The following LMO3 variants were observed in gnomAD, a reference collection of about 807,000 sequenced individuals.
LMO3 encodes LIM domain only 3, also known as LIM domain only protein 3.
A neutral mutation model predicts 15.8 loss-of-function variants in LMO3; 2 were observed. That is an observed-to-expected ratio of 0.13 (90% CI 0.05 to 0.40). The LOEUF (loss-of-function observed/expected upper bound fraction) is 0.40. Ranked by LOEUF, LMO3 falls within the 10% of genes least tolerant of loss-of-function variation. The pLI is 0.99. For missense variants in LMO3, 86 were observed against 182.2 expected (o/e 0.47, Z 3.04); for synonymous variants, 62 against 63.8 (o/e 0.97, Z 0.13).
At chr12:16,577,520 A>G (rs1031394809) in intron 2 of LMO3, among the ~76,000 whole-genome samples, 3 of 152,146 alleles carry the variant, frequency 2.0e-5, no homozygotes, top group African/African-American at 4.8e-5. Context: ...ATATTTATTG[A>G]GTACCTATTA....
In LMO3 at chr12:16,604,299, G is replaced by GAA. The variant is rs1943919258; in HGVS notation, c.-9+1766_-9+1767insTT. The stretch of plus-strand genomic sequence containing the variant: ...TAGATGTCCCCAGATCTCAGGCACT[G>GAA]GAGCTGCTTAACTCTGTTCTGCCCC... On this transcript the variant is annotated intron_variant, in intron 1 of 3. Coordinates refer to ENST00000537304, the MANE Select transcript of LMO3 (RefSeq NM_018640.5). This position sits in a 1 kb window ranked among gnomAD's most constrained non-coding sequence, Gnocchi z 5.3. 6.6e-6 allele frequency among the ~76,000 whole-genome samples: 1 copy of GAA among 152,090 alleles called. No individual in the cohort carries two copies. Among genetic ancestry groups the GAA allele is most frequent in the African/African-American group, 2.4e-5 (1 of 41,410 alleles).
In LMO3 at chr12:16,598,951, T is replaced by C. The variant is rs755682292; in HGVS notation, c.206+1704A>G. 3.3e-6 allele frequency: 1 copy of C among 307,600 alleles called. No homozygotes were observed. The highest frequency in any genetic ancestry group is 2.9e-5 in the South Asian group (1 of 34,808). The allele number at this position is 307,600 out of a possible 1,614,324, so 19.1% of individuals were successfully genotyped here. On this transcript the variant is annotated intron_variant, in intron 2 of 3. Coordinates refer to ENST00000537304, the MANE Select transcript of LMO3 (RefSeq NM_018640.5). The surrounding 1 kb of genome is among the most constrained non-coding windows in gnomAD (Gnocchi z 4.3). ...AAACTCCTTATTTGAAATGGTAACA[T>C]AAATCCACTTGAGATACTGAAATTA...
In LMO3 at chr12:16,559,052, C is replaced by T. The variant is rs983430436; in HGVS notation, c.332+1361G>A. 1.7e-4 allele frequency among the ~76,000 whole-genome samples: 26 copies of T among 152,094 alleles called. No individual in the cohort carries two copies. The highest frequency in any genetic ancestry group is 5.8e-4 in the African/African-American group (24 of 41,420). On this transcript the variant is annotated intron_variant, in intron 3 of 3. Transcript: ENST00000537304. The surrounding 1 kb of genome is among the most constrained non-coding windows in gnomAD (Gnocchi z 4.1). ...GAAATGTCACATTCTTTCTACTATT[C>T]TACAGGGTCTCATAAGAAGATTCTG... is the stretch of plus-strand genomic sequence containing the variant.
intron 2 of LMO3, chr12:16,573,783 A>AC (rs1942904771): frequency 6.6e-6 from 1 of 152,122 alleles, no homozygotes; most frequent in Non-Finnish European, 1.5e-5. Flanking sequence ...GCTAATTGAG[A>AC]AGTTGATCGG....
chr12:16,552,722 G>A (rs149437366), intron 3 of LMO3, among the ~76,000 whole-genome samples: 21 of 152,210 alleles, frequency 1.4e-4, no homozygotes, highest in Admixed American at 5.2e-4. Flanking sequence ...ACTATGCACT[G>A]ATCTTGAAAT....
intron 2 of LMO3, among the ~76,000 whole-genome samples, chr12:16,562,078 TA>T (rs1942427452): frequency 6.6e-6 from 1 of 152,192 alleles, no homozygotes; most frequent in Non-Finnish European, 1.5e-5. Context: ...AATATTTATT[TA>T]AAAAGAAAGA....
intron 2 of LMO3, among the ~76,000 whole-genome samples, chr12:16,572,339 C>CTTTTTTTTTTTTTTTTTTTTTTTT (rs59773866): frequency 2.2e-5 from 2 of 89,530 alleles, no homozygotes; most frequent in Non-Finnish European, 2.1e-5. Context: ...GGTCCAAACT[C>CTTTTTTTTTTTTTTTTTTTTTTTT]TTTTTTTTTT....
intron 2 of LMO3, chr12:16,573,414 G>C (rs1209980783): frequency 6.6e-6 from 1 of 152,122 alleles, no homozygotes; most frequent in African/African-American, 2.4e-5. Flanking sequence ...CAACTTAAAA[G>C]ATATTTGAAC....
chr12:16,603,489 C>A lies in LMO3; in HGVS notation c.-9+2577G>T, dbSNP rs1322383727. 2.2e-4 allele frequency among the ~76,000 whole-genome samples: 34 copies of A among 152,178 alleles called. No homozygotes were observed. The highest frequency in any genetic ancestry group is 2.2e-4 in the Non-Finnish European group (15 of 68,040). ...GCTAAGAAACATTTCACAAGTTGCT[C>A]ATAGCACATCAGAACTCATAACTAG... On this transcript the variant is annotated intron_variant, in intron 1 of 3. Coordinates refer to ENST00000537304, the MANE Select transcript of LMO3 (RefSeq NM_018640.5). The surrounding 1 kb of genome is among the most constrained non-coding windows in gnomAD (Gnocchi z 4.9).
At chr12:16,566,861 G>C (rs1942634682) in intron 2 of LMO3, among the ~76,000 whole-genome samples, 1 of 152,128 alleles carries the variant, frequency 6.6e-6, no homozygotes, top group African/African-American at 2.4e-5. Flanking sequence ...GAAAAGGAAA[G>C]AGAAGAAGAA....
chr12:16,553,711 C>G (rs994496301), intron 3 of LMO3, among the ~76,000 whole-genome samples: 3 of 151,968 alleles, frequency 2.0e-5, no homozygotes, highest in African/African-American at 7.2e-5. Context: ...TTGACATCCT[C>G]TTTAAAAAAT....
chr12:16,552,209 A>C (rs922997036), intron 3 of LMO3, among the ~76,000 whole-genome samples: 1 of 152,076 alleles, frequency 6.6e-6, no homozygotes, highest in African/African-American at 2.4e-5. Flanking sequence ...ATTTAACAAT[A>C]AAGTAACTCT....
Position 16,566,861 on chromosome 12 carries a change from GAGA to G in LMO3, c.207-6326_207-6324del, listed in dbSNP as rs527458975. On this transcript the variant is annotated intron_variant, in intron 2 of 3. Coordinates refer to ENST00000537304, the MANE Select transcript of LMO3 (RefSeq NM_018640.5). Reference sequence around the variant, plus strand: ...GATACTACACTGAATGAAAAGGAAAGAGAAGAAGAATTAAGTTAAACTTACTAA... The same window carrying G: ...GATACTACACTGAATGAAAAGGAAAGAGAAGAATTAAGTTAAACTTACTAA... 5.3e-5 allele frequency among the ~76,000 whole-genome samples: 8 copies of G among 152,246 alleles called. No homozygotes were observed. In the East Asian group the frequency reaches 9.6e-4, roughly 18 times the overall value.
intron 2 of LMO3, among the ~76,000 whole-genome samples, chr12:16,567,862 C>G (rs958229387): frequency 1.3e-5 from 2 of 152,092 alleles, no homozygotes; most frequent in Non-Finnish European, 2.9e-5. Context: ...AGTGGGTGCT[C>G]AAGCCCACTC....
At chr12:16,595,520 C>T (rs1435290727) in intron 2 of LMO3, among the ~76,000 whole-genome samples, 1 of 151,304 alleles carries the variant, frequency 6.6e-6, no homozygotes, top group Middle Eastern at 3.2e-3. Flanking sequence ...ATTATCACTC[C>T]TAATTTGTAT....
Position 16,560,392 on chromosome 12 carries a change from A to G in LMO3, c.332+21T>C. 1 of 1,608,426 alleles carries G rather than the reference A, an allele frequency of 6.2e-7. No homozygotes were observed. Among genetic ancestry groups the G allele is most frequent in the Non-Finnish European group, 8.5e-7 (1 of 1,177,822 alleles). ...CAGAGAGGTTAACCATTTCTTAGAGACCAAAAAGAGACCTGCTTACCTCTG... is the reference window on the plus strand; with the variant it reads ...CAGAGAGGTTAACCATTTCTTAGAGGCCAAAAAGAGACCTGCTTACCTCTG... On this transcript the variant is annotated intron_variant, in intron 3 of 3. Coordinates refer to ENST00000537304, the MANE Select transcript of LMO3 (RefSeq NM_018640.5). The surrounding 1 kb of genome is among the most constrained non-coding windows in gnomAD (Gnocchi z 5.0).
intron 2 of LMO3, among the ~76,000 whole-genome samples, chr12:16,579,956 G>A (rs944308272): frequency 1.3e-5 from 2 of 152,136 alleles, no homozygotes; most frequent in African/African-American, 2.4e-5. Flanking sequence ...ATGTTGCACA[G>A]GGTGCTTTCT....
intron 2 of LMO3, among the ~76,000 whole-genome samples, chr12:16,594,539 G>A (rs1943590722): frequency 6.6e-6 from 1 of 151,446 alleles, no homozygotes; most frequent in African/African-American, 2.4e-5. Context: ...AATTTTTTCA[G>A]AAGATAGGAT....
At chr12:16,609,620 T>G (rs953972619), upstream of LMO3, 20 of 151,960 alleles carry the variant, frequency 1.3e-4, 1 homozygote, top group Admixed American at 1.2e-3. Context: ...AAAGGCAGAC[T>G]GTCTTCTTCA....
Sources: allele counts gnomAD v4.1 joint callset (sites outside exome capture counted in the v4.1 genomes callset), GRCh38; gene constraint gnomAD v4.1.1; non-coding constraint Gnocchi (gnomAD v3.1); transcripts MANE v1.5; gene names NCBI Gene and HGNC (gene_info 2026-07-23, HGNC 2026-07-21).